RBFOX2: variants seen among roughly 807,000 people sequenced by gnomAD.
RBFOX2 encodes RNA binding protein fox-1 homolog 2.
RBFOX2 carries 10 observed loss-of-function variants against 49.1 expected under a neutral mutation model. That is an observed-to-expected ratio of 0.20 (90% CI 0.13 to 0.35). The LOEUF (loss-of-function observed/expected upper bound fraction) is 0.35, where lower values mean the gene tolerates loss of function less well. RBFOX2 is among the 10% of genes least tolerant of loss of function. RBFOX2 has a pLI of 1.00. For synonymous variants in RBFOX2, 183 were observed against 187.4 expected, an observed-to-expected ratio of 0.98 and a Z score of 0.19; for missense variants, 323 against 486.9, an observed-to-expected ratio of 0.66 and a Z score of 3.17.
chr22:35,870,743 T>A (rs180878896), intron 1 of RBFOX2, among the ~76,000 whole-genome samples: 1 of 152,156 alleles, frequency 6.6e-6, no homozygotes, highest in East Asian at 1.9e-4. Flanking sequence ...CAGGATCTGT[T>A]TGGAGACAAC....
At chr22:35,864,885 C>G (rs943148701) in intron 1 of RBFOX2, among the ~76,000 whole-genome samples, 1 of 152,246 alleles carries the variant, frequency 6.6e-6, no homozygotes, top group African/African-American at 2.4e-5. Context: ...TAACATCCCA[C>G]TTTCAGAAGA....
At chr22:35,751,203 CTTTTAA>C (rs1007510839) in intron 9 of RBFOX2, among the ~76,000 whole-genome samples, 1 of 152,244 alleles carries the variant, frequency 6.6e-6, no homozygotes, top group Admixed American at 6.5e-5. Context: ...TTTAACCTAG[CTTTTAA>C]TTTTATTATA....
intron 1 of RBFOX2, among the ~76,000 whole-genome samples, chr22:35,946,990 G>A (rs1460311785): frequency 6.6e-6 from 1 of 152,116 alleles, no homozygotes; most frequent in South Asian, 2.1e-4. Flanking sequence ...TCAGGAGTTC[G>A]AGACCAGCCT....
Position 35,852,236 on chromosome 22 carries a change from T to A in RBFOX2, c.-33-42232A>T, listed in dbSNP as rs532041012. ...TATGCAAATACTACACCATTTTATA[T>A]AAGAAACTTGAGCATCTGCCAATTT... On this transcript the variant is annotated intron_variant, in intron 1 of 13. Transcript: ENST00000359369. Among the ~76,000 whole-genome samples, 5 of 152,290 alleles carry A rather than the reference T, an allele frequency of 3.3e-5. No individual in the cohort carries two copies. In the East Asian group the frequency reaches 9.6e-4, roughly 29 times the overall value.
At chr22:35,783,856 C>CATTCAAGT (rs1327916536) in intron 2 of RBFOX2, among the ~76,000 whole-genome samples, 1 of 152,208 alleles carries the variant, frequency 6.6e-6, no homozygotes, top group Non-Finnish European at 1.5e-5. Flanking sequence ...GGGCCCATGC[C>CATTCAAGT]TGTAAGGAAG....
intron 1 of RBFOX2, among the ~76,000 whole-genome samples, chr22:35,928,969 T>C (rs1271631934): frequency 6.6e-6 from 1 of 152,048 alleles, no homozygotes; most frequent in Non-Finnish European, 1.5e-5. Flanking sequence ...TTAAAAGTTA[T>C]GCATGAGGCC....
At chr22:35,823,715 T>C (rs1955018106) in intron 1 of RBFOX2, among the ~76,000 whole-genome samples, 1 of 152,188 alleles carries the variant, frequency 6.6e-6, no homozygotes, top group Non-Finnish European at 1.5e-5. Context: ...AACTCGAAGA[T>C]TTATTAAAAG....
intron 1 of RBFOX2, among the ~76,000 whole-genome samples, chr22:35,952,080 T>C (rs552560722): frequency 2.0e-5 from 3 of 152,178 alleles, no homozygotes; most frequent in Non-Finnish European, 2.9e-5. Flanking sequence ...AGGGTGCTTA[T>C]GTGAACAGCC....
intron 1 of RBFOX2, among the ~76,000 whole-genome samples, chr22:35,953,210 C>CTA (rs2055149613): frequency 4.5e-5 from 1 of 22,418 alleles, no homozygotes; most frequent in African/African-American, 1.9e-4. Flanking sequence ...GACTCCATCT[C>CTA]AAAAAAAAAA....
intron 3 of RBFOX2, among the ~76,000 whole-genome samples, chr22:35,779,698 G>A (rs1944695784): frequency 6.6e-6 from 1 of 152,180 alleles, no homozygotes; most frequent in Admixed American, 6.5e-5. Flanking sequence ...TATTTGTCAA[G>A]TTTATGAAGC....
At chr22:35,766,479 A>C (rs1360951058) in intron 5 of RBFOX2, among the ~76,000 whole-genome samples, 1 of 152,192 alleles carries the variant, frequency 6.6e-6, no homozygotes, top group African/African-American at 2.4e-5. Flanking sequence ...AGGTAGAATT[A>C]GAACTAAAAA....
intron 1 of RBFOX2, among the ~76,000 whole-genome samples, chr22:35,869,102 C>T (rs990240684): frequency 1.3e-5 from 2 of 152,166 alleles, no homozygotes; most frequent in Non-Finnish European, 2.9e-5. Context: ...CACTGTGATT[C>T]TTTCAAGTCA....
chr22:35,810,738 A>T (rs747235682), intron 1 of RBFOX2, among the ~76,000 whole-genome samples: 1 of 152,204 alleles, frequency 6.6e-6, no homozygotes, highest in Non-Finnish European at 1.5e-5. Flanking sequence ...AACAGCACTT[A>T]TTTATTTACA....
intron 1 of RBFOX2, among the ~76,000 whole-genome samples, chr22:35,934,993 G>T (rs1023280606): frequency 6.6e-6 from 1 of 152,100 alleles, no homozygotes; most frequent in Non-Finnish European, 1.5e-5. Flanking sequence ...GGAGCGCAGT[G>T]GCACAATCAT....
At chr22:35,982,915 C>T (rs2057533403) in intron 1 of RBFOX2, among the ~76,000 whole-genome samples, 2 of 152,082 alleles carry the variant, frequency 1.3e-5, no homozygotes, top group Admixed American at 6.6e-5. Context: ...AGCTCCCAAA[C>T]ACAAATAGCT....
At chr22:35,915,301 C>T (rs116072538) in intron 1 of RBFOX2, among the ~76,000 whole-genome samples, 1,950 of 152,272 alleles carry the variant, frequency 0.013, 40 homozygotes, top group African/African-American at 0.045. Flanking sequence ...GTTATTAATC[C>T]AGGACGGGGC....
At chr22:35,962,035 G>T (rs2056253898), upstream of RBFOX2, among the ~76,000 whole-genome samples, 1 of 152,142 alleles carries the variant, frequency 6.6e-6, no homozygotes, top group Admixed American at 6.5e-5. Context: ...CCCAACAGGA[G>T]AATTTTTAAA....
intron 2 of RBFOX2, among the ~76,000 whole-genome samples, chr22:35,808,529 T>C (rs1951187370): frequency 8.5e-5 from 13 of 152,218 alleles, no homozygotes; most frequent in Admixed American, 8.5e-4. Flanking sequence ...CTATGCAGAC[T>C]GTAGAACATT....
At chr22:36,008,092 G>A (rs776572118) in intron 1 of RBFOX2, among the ~76,000 whole-genome samples, 1 of 152,150 alleles carries the variant, frequency 6.6e-6, no homozygotes, top group Non-Finnish European at 1.5e-5. Flanking sequence ...AATAGACATT[G>A]ATAAATACTT....
Sources: gnomAD v4.1 joint callset for allele counts (sites outside exome capture counted in the v4.1 genomes callset) on GRCh38, gnomAD v4.1.1 for gene constraint, MANE v1.5 for transcripts, NCBI Gene and HGNC (gene_info 2026-07-23, HGNC 2026-07-21) for gene names.